PLAGL2: variants seen among roughly 807,000 people sequenced by gnomAD.
PLAGL2 encodes the protein zinc finger protein PLAGL2.
Under a neutral mutation model 29.0 loss-of-function variants are expected in PLAGL2, and 7 were observed. The observed-to-expected ratio is 0.24, with a 90% CI of 0.14 to 0.45. The LOEUF is 0.45. Ranked by LOEUF, PLAGL2 falls within the 20% of genes least tolerant of loss-of-function variation. The probability of loss-of-function intolerance (pLI) is 0.99; values close to 1 mark genes in which losing one functional copy is unlikely to be tolerated. For missense variants in PLAGL2, 454 were observed against 648.2 expected (o/e 0.70, Z 3.25); for synonymous variants, 234 against 266.0 (o/e 0.88, Z 1.17).
At chr20:32,203,789 T>C (rs1362295523) in intron 1 of PLAGL2, among the ~76,000 whole-genome samples, 3 of 152,268 alleles carry the variant, frequency 2.0e-5, no homozygotes, top group African/African-American at 7.2e-5. Flanking sequence ...AGCTACGTCC[T>C]GTTCAGGAAC....
At chr20:32,203,805 C>T (rs1041101813) in intron 1 of PLAGL2, among the ~76,000 whole-genome samples, 3 of 152,210 alleles carry the variant, frequency 2.0e-5, no homozygotes, top group African/African-American at 4.8e-5. Flanking sequence ...GGAACCATTC[C>T]TCTTGTTGAA....
At chr20:32,203,944 C>G (rs1228674212) in intron 1 of PLAGL2, among the ~76,000 whole-genome samples, 1 of 152,214 alleles carries the variant, frequency 6.6e-6, no homozygotes. Context: ...GCACTAAAAA[C>G]TAGTCCCACT....
chr20:32,201,550 C>G (rs888742021), intron 2 of PLAGL2, among the ~76,000 whole-genome samples: 38 of 152,184 alleles, frequency 2.5e-4, no homozygotes, highest in African/African-American at 8.2e-4. Flanking sequence ...CCACTGTACT[C>G]TAGCCTGGAT....
rs2047225127 is a variant in PLAGL2 at position 32,195,909 on chromosome 20, A to T, written c.*543T>A. 3 of 152,696 alleles carry T rather than the reference A, an allele frequency of 2.0e-5. No homozygotes were observed. Among genetic ancestry groups the T allele is most frequent in the Admixed American group, 6.5e-5 (1 of 15,270 alleles). 9.5% of individuals were successfully genotyped at this position (152,696 alleles called of 1,614,324 possible). On this transcript the variant is annotated 3_prime_UTR_variant, in exon 3 of 3. Transcript: ENST00000246229. ...GCTGGACAACACTGACTGAAAACGG[A>T]GGTGCTGGTACAGGAGGAATGGGTG...
intron 1 of PLAGL2, among the ~76,000 whole-genome samples, chr20:32,206,247 C>A (rs2047286441): frequency 6.6e-6 from 1 of 152,180 alleles, no homozygotes; most frequent in African/African-American, 2.4e-5. Flanking sequence ...GGAATGCTGT[C>A]GCCCCCTTCC....
chr20:32,196,939 G>C lies in PLAGL2; in HGVS notation c.1004C>G (p.Pro335Arg). 6.2e-7 allele frequency: 1 copy of C among 1,614,216 alleles called. No individual in the cohort carries two copies. Among genetic ancestry groups the C allele is most frequent in the Non-Finnish European group, 8.5e-7 (1 of 1,180,020 alleles). Residue 335 changes from proline to arginine, a missense_variant, in exon 3 of 3, where the codon CCA becomes CGA. Coordinates refer to ENST00000246229, the MANE Select transcript of PLAGL2 (RefSeq NM_002657.3). The stretch of plus-strand genomic sequence containing the variant: ...CTGGTATTTTGGAGGGAGCTGAGCT[G>C]GGGAAGAGATAGGTGAGGATTCCAG... ...YPLESSPISS[P>R]AQLPPKYQLG...
rs772248986 is a variant in PLAGL2, at chr20:32,201,952, C to T, written c.227G>A (p.Gly76Asp). 3 of 1,614,014 alleles carry T rather than the reference C, an allele frequency of 1.9e-6. No individual in the cohort carries two copies. In the South Asian group the frequency reaches 3.3e-5, roughly 18 times the overall value. The change falls in exon 2 of 3, where the codon GGC becomes GAC. Residue 76 changes from glycine (G) to aspartate (D), a missense_variant. Gly to Asp is a moderately conservative substitution (Grantham distance 94, BLOSUM62 -1). Coordinates refer to ENST00000246229, the MANE Select transcript of PLAGL2 (RefSeq NM_002657.3). ...RPYSCPQLHC[G>D]KAFASKYKLY... ...CTTGTATTTGGAAGCAAAAGCCTTG[C>T]CACAGTGCAGCTGAGGGCAGCTATA... is the stretch of plus-strand genomic sequence containing the variant.
rs1319013835 is a variant in PLAGL2, at chr20:32,195,596, G to C, written c.*856C>G. 6.5e-6 allele frequency: 1 copy of C among 152,686 alleles called. No individual in the cohort carries two copies. Among genetic ancestry groups the C allele is most frequent in the African/African-American group, 2.4e-5 (1 of 41,468 alleles). The allele number at this position is 152,686 out of a possible 1,614,324, so 9.5% of individuals were successfully genotyped here. A position where few individuals can be genotyped will look rare whatever the true frequency, so the allele number is the denominator to read the frequency against. On this transcript the variant is annotated 3_prime_UTR_variant, in exon 3 of 3. Coordinates refer to ENST00000246229, the MANE Select transcript of PLAGL2 (RefSeq NM_002657.3). ...GCCGAGGCAGGCAGGAACAAATGCA[G>C]TCATGGAAGATGGCAGAGACTGAAG... is the stretch of plus-strand genomic sequence containing the variant.
intron 2 of PLAGL2, among the ~76,000 whole-genome samples, chr20:32,201,629 A>T (rs1448712149): frequency 2.0e-5 from 3 of 152,180 alleles, no homozygotes; most frequent in Admixed American, 6.5e-5. Context: ...GCTGCCTGAC[A>T]TTGGCACCCA....
At position 32,193,017 on chromosome 20, in the gene PLAGL2, A is replaced by G. The variant is rs1475366931; in HGVS notation, c.*3435T>C. On this transcript the variant is annotated 3_prime_UTR_variant, in exon 3 of 3. Coordinates refer to ENST00000246229, the MANE Select transcript of PLAGL2 (RefSeq NM_002657.3). Reference sequence around the variant, plus strand: ...GAAGGTCATGGCCAATTCCTTCCACAGCAGGTTCAGAGTTCCAGGAGAGGC... The same window carrying G: ...GAAGGTCATGGCCAATTCCTTCCACGGCAGGTTCAGAGTTCCAGGAGAGGC... 6.5e-6 allele frequency: 1 copy of G among 152,686 alleles called. No individual in the cohort carries two copies. The highest frequency in any genetic ancestry group is 1.5e-5 in the Non-Finnish European group (1 of 68,052). The allele number at this position is 152,686 out of a possible 1,614,324, so 9.5% of individuals were successfully genotyped here.
rs1424706392 is a variant in PLAGL2 at position 32,196,647 on chromosome 20, C to T, written c.1296G>A (p.Gly432=). 2 of 1,533,908 alleles carry T rather than the reference C, an allele frequency of 1.3e-6. No individual in the cohort carries two copies. The highest frequency in any genetic ancestry group is 4.2e-5 in the Admixed American group (2 of 47,706). Residue 432 remains glycine, a synonymous_variant, in exon 3 of 3, where the codon GGG becomes GGA. Coordinates refer to ENST00000246229, the MANE Select transcript of PLAGL2 (RefSeq NM_002657.3). ...PLNLPPCNPP[G]ATGGLVMGYS... is the part of the protein sequence containing the mutation. ...AGCCCATGACCAGGCCTCCTGTGGC[C>T]CCAGGTGGGTTACACGGGGGCAGGT...
rs956962624 is a variant in PLAGL2 at position 32,195,518 on chromosome 20, G to T, written c.*934C>A. ...AATGTACTTGGAGAAAAACAGAATTGCAGACCTGTGAGAAAACTGCTCCAA... is the reference window on the plus strand; with the variant it reads ...AATGTACTTGGAGAAAAACAGAATTTCAGACCTGTGAGAAAACTGCTCCAA... On this transcript the variant is annotated 3_prime_UTR_variant, in exon 3 of 3. Coordinates refer to ENST00000246229, the MANE Select transcript of PLAGL2 (RefSeq NM_002657.3). The T allele has an allele frequency of 6.5e-6, 1 of 152,678 alleles. No homozygotes were observed. Among genetic ancestry groups the T allele is most frequent in the African/African-American group, 2.4e-5 (1 of 41,472 alleles). 9.5% of individuals were successfully genotyped at this position (152,678 alleles called of 1,614,324 possible). A position where few individuals can be genotyped will look rare whatever the true frequency, so the allele number is the denominator to read the frequency against.
intron 2 of PLAGL2, among the ~76,000 whole-genome samples, chr20:32,198,318 A>T (rs1377490108): frequency 6.6e-6 from 1 of 152,262 alleles, no homozygotes; most frequent in Non-Finnish European, 1.5e-5. Flanking sequence ...ATAATTTTAA[A>T]TGATACAATA....
intron 1 of PLAGL2, among the ~76,000 whole-genome samples, chr20:32,205,988 G>A (rs1214158864): frequency 6.6e-6 from 1 of 152,194 alleles, no homozygotes. Context: ...TTATCCTCCT[G>A]CCCAAGAGTT....
chr20:32,204,393 G>A (rs952371775), intron 1 of PLAGL2, among the ~76,000 whole-genome samples: 1 of 152,200 alleles, frequency 6.6e-6, no homozygotes, highest in African/African-American at 2.4e-5. Flanking sequence ...CAATAGTTTA[G>A]TAGGCTGCTA....
In PLAGL2 at chr20:32,195,654, A is replaced by T. The variant is rs1474159503; in HGVS notation, c.*798T>A. 1.3e-5 allele frequency: 2 copies of T among 152,720 alleles called. No homozygotes were observed. Among genetic ancestry groups the T allele is most frequent in the South Asian group, 2.1e-4 (1 of 4,824 alleles). The allele number at this position is 152,720 out of a possible 1,614,324, so 9.5% of individuals were successfully genotyped here. A position where few individuals can be genotyped will look rare whatever the true frequency, so the allele number is the denominator to read the frequency against. Reference sequence around the variant, plus strand: ...AAGTCAGTTTATTTCCCCACGGGGGAAAAATGTGACCTCAAATGAAGAGAA... The same window carrying T: ...AAGTCAGTTTATTTCCCCACGGGGGTAAAATGTGACCTCAAATGAAGAGAA... On this transcript the variant is annotated 3_prime_UTR_variant, in exon 3 of 3. Transcript: ENST00000246229.
rs1600374225 is a variant in PLAGL2, at chr20:32,197,690, T to C, written c.261-8A>G. On this transcript the variant is annotated splice_region_variant and splice_polypyrimidine_tract_variant and intron_variant, in intron 2 of 2. Transcript: ENST00000246229. The surrounding 1 kb of genome is among the most constrained non-coding windows in gnomAD (Gnocchi z 6.6). ...GAGTGGGTGGCCATGTGCCTGGGGG[T>C]AGAGACAGGGGATAGGGGAGAAAGC... The C allele has an allele frequency of 6.2e-7, 1 of 1,610,226 alleles. No homozygotes were observed. Among genetic ancestry groups the C allele is most frequent in the Non-Finnish European group, 8.5e-7 (1 of 1,177,632 alleles).
chr20:32,204,529 G>A (rs572817944), intron 1 of PLAGL2, among the ~76,000 whole-genome samples: 1 of 151,926 alleles, frequency 6.6e-6, no homozygotes, highest in Non-Finnish European at 1.5e-5. Context: ...ATGGGGCTAT[G>A]TCTTCACAAA....
Position 32,197,025 on chromosome 20 carries a change from G to C in PLAGL2, c.918C>G (p.Pro306=). Residue 306 remains proline (P), a synonymous_variant, in exon 3 of 3, where the codon CCC becomes CCG. Coordinates refer to ENST00000246229, the MANE Select transcript of PLAGL2 (RefSeq NM_002657.3). This position sits in a 1 kb window ranked among gnomAD's most constrained non-coding sequence, Gnocchi z 6.6. ...CCAGGGAGTGTGGCACGCCCGTGCT[G>C]GGCATGGTAGGGATGTGGGCACCAT... ...GMYGAHIPTM[P]STGVPHSLVH... is the part of the protein sequence containing the mutation. 6.2e-7 allele frequency: 1 copy of C among 1,614,214 alleles called. No homozygotes were observed. The highest frequency in any genetic ancestry group is 8.5e-7 in the Non-Finnish European group (1 of 1,180,024).
Sources: gnomAD v4.1 joint callset for allele counts (sites outside exome capture counted in the v4.1 genomes callset) on GRCh38, gnomAD v4.1.1 for gene constraint, Gnocchi (gnomAD v3.1) non-coding constraint, MANE v1.5 for transcripts, NCBI Gene and HGNC (gene_info 2026-07-23, HGNC 2026-07-21) for gene names.